Variants in CHAF1B observed in about 807,000 individuals in gnomAD.
The protein encoded by CHAF1B is chromatin assembly factor 1 subunit B.
In CHAF1B, 10 loss-of-function variants were observed where a neutral mutation model predicts 60.7. That is an observed-to-expected ratio of 0.16 (90% CI 0.10 to 0.28). The LOEUF is 0.28. Among genes scored for constraint, CHAF1B ranks in the 10% least tolerant of loss-of-function variants. The pLI, the probability that CHAF1B is intolerant of heterozygous loss-of-function variation, is 1.00. For synonymous variants in CHAF1B, 261 were observed against 266.1 expected (o/e 0.98, Z 0.19); for missense variants, 558 against 708.4 (o/e 0.79, Z 2.41).
At chr21:36,411,438 C>T in intron 10 of CHAF1B, 25 bp from the exon 11 acceptor site, 1 of 1,612,026 alleles carries the variant, frequency 6.2e-7, no homozygotes, top group Non-Finnish European at 8.5e-7. Flanking sequence ...TGTGGTTTTA[C>T]TTTGTCTCTG....
intron 4 of CHAF1B, among the ~76,000 whole-genome samples, chr21:36,393,642 CG>C (rs1569121937): frequency 6.6e-6 from 1 of 151,574 alleles, no homozygotes; most frequent in African/African-American, 2.4e-5. Flanking sequence ...TTAGTAGAGA[CG>C]GGGTTTCTCC....
chr21:36,418,439 A>C lies in CHAF1B; in HGVS notation c.*2073A>C, dbSNP rs1314640943. On this transcript the variant is annotated 3_prime_UTR_variant, in exon 14 of 14. Coordinates refer to ENST00000314103, the MANE Select transcript of CHAF1B (RefSeq NM_005441.3). ...CTGAAAAGAGACAGCTTTCAGTGTC[A>C]TGTGGCTGGCGTGAGGTGCGGTTTG... 4 of 152,456 alleles carry C rather than the reference A, an allele frequency of 2.6e-5. No homozygotes were observed. Among genetic ancestry groups the C allele is most frequent in the Non-Finnish European group, 1.5e-5 (1 of 68,202 alleles). 9.4% of individuals were successfully genotyped at this position (152,456 alleles called of 1,614,324 possible). A position where few individuals can be genotyped will look rare whatever the true frequency, so the allele number is the denominator to read the frequency against.
intron 10 of CHAF1B, 111 bp from the exon 11 acceptor site, chr21:36,411,352 G>A: frequency 7.7e-7 from 1 of 1,293,472 alleles, no homozygotes; most frequent in Non-Finnish European, 1.1e-6. Context: ...GAGCTCAAGT[G>A]ATCCACCCGG....
intron 12 of CHAF1B, among the ~76,000 whole-genome samples, chr21:36,414,862 C>T (rs1438528688): frequency 6.6e-6 from 1 of 152,196 alleles, no homozygotes; most frequent in African/African-American, 2.4e-5. Context: ...ATCTGCCCGC[C>T]TCAGCCCGCC....
At chr21:36,392,796 T>G (rs2086102305) in intron 4 of CHAF1B, among the ~76,000 whole-genome samples, 1 of 149,354 alleles carries the variant, frequency 6.7e-6, no homozygotes, top group Non-Finnish European at 1.5e-5. Context: ...CGCTACTCAC[T>G]TCCTAGACGG....
At chr21:36,406,388 T>C (rs218649) in intron 8 of CHAF1B, among the ~76,000 whole-genome samples, 98,974 of 151,988 alleles carry the variant, frequency 0.65, 34,480 homozygotes, top group Non-Finnish European at 0.78. Flanking sequence ...TGAGTTCAAG[T>C]GATTCTTCTG....
intron 10 of CHAF1B, among the ~76,000 whole-genome samples, chr21:36,409,734 G>A (rs2086262974): frequency 6.6e-6 from 1 of 152,042 alleles, no homozygotes; most frequent in Non-Finnish European, 1.5e-5. Flanking sequence ...CTGGACTCAA[G>A]TGATCCACCT....
In CHAF1B at chr21:36,391,537, G is replaced by C. The variant is rs1010570982; in HGVS notation, c.260-14G>C. The C allele has an allele frequency of 2.7e-6, 4 of 1,505,180 alleles. No homozygotes were observed. In the South Asian group the frequency reaches 3.4e-5, roughly 13 times the overall value. The allele number at this position is 1,505,180 out of a possible 1,614,324, so 93.2% of individuals were successfully genotyped here. The stretch of plus-strand genomic sequence containing the variant: ...GGGTGAAGCGTGGATCACTGTTACT[G>C]AATCACCCTGCAGATGCTGTCATCC... On this transcript the variant is annotated splice_polypyrimidine_tract_variant and intron_variant, in intron 3 of 13. Transcript: ENST00000314103.
chr21:36,399,703 C>A, intron 7 of CHAF1B, 98 bp downstream of exon 7: 1 of 935,252 alleles, frequency 1.1e-6, no homozygotes, highest in Non-Finnish European at 1.7e-6. Context: ...TCACTGGCCA[C>A]AAAGAGCCGA....
At chr21:36,386,833 C>G (rs1392667825) in intron 2 of CHAF1B, among the ~76,000 whole-genome samples, 1 of 151,988 alleles carries the variant, frequency 6.6e-6, no homozygotes, top group African/African-American at 2.4e-5. Context: ...CCTGCCTCAG[C>G]CTCCCAAATA....
In CHAF1B at chr21:36,396,358, C is replaced by CAAAAAA. The variant is rs777079304; in HGVS notation, c.482-1037_482-1032dup. Among the ~76,000 whole-genome samples the CAAAAAA allele has an allele frequency of 9.1e-3, 478 of 52,798 alleles. 16 individuals carry two copies. The highest frequency in any genetic ancestry group is 0.02 in the African/African-American group (285 of 14,562). The allele number at this position is 52,798 out of a possible 152,430, so 34.6% of individuals were successfully genotyped here. A position where few individuals can be genotyped will look rare whatever the true frequency, so the allele number is the denominator to read the frequency against. ...TGTTACTGAACCTCACCAAAAACCTCAAAAAAAAAAAAAAAAAAAAAAAAA... is the reference window on the plus strand; with the variant it reads ...TGTTACTGAACCTCACCAAAAACCTCAAAAAAAAAAAAAAAAAAAAAAAAAAAAAAA... On this transcript the variant is annotated intron_variant, in intron 5 of 13. Coordinates refer to ENST00000314103, the MANE Select transcript of CHAF1B (RefSeq NM_005441.3).
intron 5 of CHAF1B, among the ~76,000 whole-genome samples, chr21:36,395,266 T>C (rs1257926552): frequency 6.6e-6 from 1 of 151,974 alleles, no homozygotes; most frequent in Non-Finnish European, 1.5e-5. Context: ...CAGTCTGGTC[T>C]CTATCTCTTG....
intron 8 of CHAF1B, among the ~76,000 whole-genome samples, chr21:36,406,325 G>A (rs1002671669): frequency 1.3e-5 from 2 of 152,082 alleles, no homozygotes; most frequent in Admixed American, 6.6e-5. Context: ...CACCCTTGTC[G>A]CCCAGGCTTG....
At position 36,416,300 on chromosome 21, in the gene CHAF1B, TC is replaced by T. The variant is rs769146493; in HGVS notation, c.1619del (p.Pro540GlnfsTer3). The stretch of plus-strand genomic sequence containing the variant: ...AGACGCCTGGAGACGCTCAGGGCAG[TC>T]CCCCAGAGCTAAAGCGGCCCAGACT... ...SETPGDAQGS[P>X]PELKRPRLDE... On this transcript the variant is annotated frameshift_variant, in exon 14 of 14. Coordinates refer to ENST00000314103, the MANE Select transcript of CHAF1B (RefSeq NM_005441.3). LOFTEE classifies it low-confidence loss of function (END_TRUNC). 3.1e-6 allele frequency: 5 copies of T among 1,613,652 alleles called. No individual in the cohort carries two copies. The African/African-American group carries it at 6.7e-5, about 22-fold the overall frequency.
chr21:36,407,431 G>A (rs534555310), intron 8 of CHAF1B, among the ~76,000 whole-genome samples: 154 of 152,164 alleles, frequency 1.0e-3, no homozygotes, highest in African/African-American at 3.5e-3. Context: ...TAAATATTAT[G>A]CAGCTACAAA....
At position 36,397,504 on chromosome 21, in the gene CHAF1B, T is replaced by C; in HGVS notation, c.571T>C (p.Cys191Arg). Reference sequence around the variant, plus strand: ...GGGTCAATATGTTGCTACTCTGAGCTGTGACAGGTAAATTCAGCTTTGGCA... The same window carrying C: ...GGGTCAATATGTTGCTACTCTGAGCCGTGACAGGTAAATTCAGCTTTGGCA... ...PLGQYVATLS[C>R]DRVLRVYSIQ... is the part of the protein sequence containing the mutation. The change falls in exon 6 of 14, where the codon TGT becomes CGT. Residue 191 changes from cysteine to arginine, a missense_variant. Cys to Arg is a radical substitution (Grantham distance 180, BLOSUM62 -3). Coordinates refer to ENST00000314103, the MANE Select transcript of CHAF1B (RefSeq NM_005441.3). The C allele has an allele frequency of 1.3e-6, 2 of 1,510,308 alleles. No individual in the cohort carries two copies. Among genetic ancestry groups the C allele is most frequent in the Non-Finnish European group, 1.8e-6 (2 of 1,111,908 alleles). The allele number at this position is 1,510,308 out of a possible 1,614,324, so 93.6% of individuals were successfully genotyped here. A position where few individuals can be genotyped will look rare whatever the true frequency, so the allele number is the denominator to read the frequency against.
At chr21:36,389,788 T>C (rs1427525213) in intron 3 of CHAF1B, among the ~76,000 whole-genome samples, 2 of 130,870 alleles carry the variant, frequency 1.5e-5, no homozygotes, top group African/African-American at 7.2e-5. Flanking sequence ...TGTGTGTGTG[T>C]GTGTGTGTGT....
At chr21:36,395,483 A>AG (rs1347469311) in intron 5 of CHAF1B, among the ~76,000 whole-genome samples, 1 of 152,238 alleles carries the variant, frequency 6.6e-6, no homozygotes, top group African/African-American at 2.4e-5. Context: ...TGGTGCTGCA[A>AG]GTTACTGATG....
At chr21:36,395,863 G>T (rs954247935) in intron 5 of CHAF1B, among the ~76,000 whole-genome samples, 3 of 152,272 alleles carry the variant, frequency 2.0e-5, no homozygotes, top group Non-Finnish European at 4.4e-5. Context: ...AAGTACCTGG[G>T]TAGGGCAGTT....
Sources: allele counts gnomAD v4.1 joint callset (sites outside exome capture counted in the v4.1 genomes callset), GRCh38; gene constraint gnomAD v4.1.1; transcripts MANE v1.5; gene names NCBI Gene and HGNC (gene_info 2026-07-23, HGNC 2026-07-21).